C8orf34: variants seen among roughly 807,000 people sequenced by gnomAD.
C8orf34 encodes uncharacterized protein C8orf34.
Under a neutral mutation model 68.3 loss-of-function variants are expected in C8orf34, and 65 were observed. The ratio of observed to expected loss-of-function variants is 0.95; its 90% CI spans 0.78 to 1.17. C8orf34 has a LOEUF of 1.17. Among genes scored for constraint, C8orf34 ranks in the 50% most tolerant of loss-of-function variants. C8orf34 has a pLI of 0.00. For synonymous variants in C8orf34, 244 were observed against 241.2 expected, an observed-to-expected ratio of 1.01 and a Z score of -0.11; for missense variants, 664 against 655.4, an observed-to-expected ratio of 1.01 and a Z score of -0.14.
intron 4 of C8orf34, among the ~76,000 whole-genome samples, chr8:68,480,438 G>T (rs1812810257): frequency 6.6e-6 from 1 of 152,198 alleles, no homozygotes; most frequent in Non-Finnish European, 1.5e-5. Flanking sequence ...TTGTTACTGA[G>T]AGTGGGGTGT....
At chr8:68,567,020 G>T (rs1344681403) in intron 7 of C8orf34, among the ~76,000 whole-genome samples, 2 of 152,096 alleles carry the variant, frequency 1.3e-5, no homozygotes, top group Non-Finnish European at 2.9e-5. Flanking sequence ...TATGTTGTTG[G>T]ATTCAGTTAG....
intron 10 of C8orf34, among the ~76,000 whole-genome samples, chr8:68,732,137 T>C (rs529128245): frequency 2.9e-4 from 44 of 152,368 alleles, no homozygotes; most frequent in African/African-American, 1.1e-3. Context: ...TCTCAATGTT[T>C]TCCTCAGGCT....
chr8:68,596,395 T>C (rs1216152478), intron 7 of C8orf34, among the ~76,000 whole-genome samples: 3 of 152,182 alleles, frequency 2.0e-5, no homozygotes, highest in Non-Finnish European at 2.9e-5. Context: ...TAGAAATTAA[T>C]ATATTATTTT....
At chr8:68,367,056 AAAAC>A (rs1807298364) in intron 1 of C8orf34, among the ~76,000 whole-genome samples, 1 of 17,170 alleles carries the variant, frequency 5.8e-5, no homozygotes, top group African/African-American at 2.4e-4. Flanking sequence ...TTACAAGAAA[AAAAC>A]AAACAACCCC....
intron 5 of C8orf34, among the ~76,000 whole-genome samples, chr8:68,500,741 A>G (rs1320828679): frequency 5.3e-5 from 8 of 152,230 alleles, no homozygotes; most frequent in African/African-American, 1.7e-4. Flanking sequence ...ACGAACCAAC[A>G]GTGTTGACAT....
chr8:68,464,381 A>T (rs1012888458), intron 3 of C8orf34, among the ~76,000 whole-genome samples: 7 of 152,252 alleles, frequency 4.6e-5, no homozygotes, highest in African/African-American at 1.4e-4. Flanking sequence ...TGCCCAAGGT[A>T]ATTTATAGAT....
chr8:68,786,386 G>A (rs961147443), intron 11 of C8orf34, among the ~76,000 whole-genome samples: 12 of 152,096 alleles, frequency 7.9e-5, no homozygotes, highest in African/African-American at 2.7e-4. Flanking sequence ...GTAGATGCTA[G>A]GAATGCATAG....
chr8:68,783,141 C>A (rs150591852), intron 11 of C8orf34, among the ~76,000 whole-genome samples: 1 of 151,310 alleles, frequency 6.6e-6, no homozygotes, highest in Non-Finnish European at 1.5e-5. Flanking sequence ...AAAAGGAAAA[C>A]GTGAGGGCCC....
intron 1 of C8orf34, among the ~76,000 whole-genome samples, chr8:68,354,446 A>G (rs893217056): frequency 1.3e-5 from 2 of 152,090 alleles, no homozygotes; most frequent in Non-Finnish European, 2.9e-5. Context: ...TGCTCAAGCA[A>G]TTCTCTTGCC....
At chr8:68,343,884 G>C (rs1328151467) in intron 1 of C8orf34, among the ~76,000 whole-genome samples, 1 of 151,916 alleles carries the variant, frequency 6.6e-6, no homozygotes, top group Non-Finnish European at 1.5e-5. Flanking sequence ...GAGCCACCAT[G>C]CCAGGCCAAT....
intron 7 of C8orf34, among the ~76,000 whole-genome samples, chr8:68,538,799 T>C (rs1453323783): frequency 2.0e-5 from 3 of 152,126 alleles, no homozygotes; most frequent in Admixed American, 1.3e-4. Context: ...GGATAGATGA[T>C]TTGGTTAAGG....
rs183798944 is a variant in C8orf34 at position 68,800,853 on chromosome 8, G to A, written c.1549+13317G>A. Among the ~76,000 whole-genome samples, 20 of 152,220 alleles carry A rather than the reference G, an allele frequency of 1.3e-4. No homozygotes were observed. In the East Asian group the frequency reaches 2.9e-3, roughly 22 times the overall value. On this transcript the variant is annotated intron_variant, in intron 12 of 13. Coordinates refer to ENST00000518698, the MANE Select transcript of C8orf34 (RefSeq NM_052958.4). ...GAAGTTAGCACACTCTGCTTTCTAC[G>A]TTCTTCGGCTTTTCTTTTGCTTCAG... is the stretch of plus-strand genomic sequence containing the variant.
chr8:68,653,051 A>G (rs1366734984), intron 8 of C8orf34, among the ~76,000 whole-genome samples: 1 of 152,130 alleles, frequency 6.6e-6, no homozygotes, highest in Non-Finnish European at 1.5e-5. Flanking sequence ...AAAGATCTTT[A>G]TTTCTGACAA....
intron 10 of C8orf34, among the ~76,000 whole-genome samples, chr8:68,740,875 T>C (rs899558706): frequency 6.6e-6 from 1 of 152,172 alleles, no homozygotes; most frequent in Non-Finnish European, 1.5e-5. Context: ...GTGGTACATA[T>C]ACACTATGGA....
intron 8 of C8orf34, among the ~76,000 whole-genome samples, chr8:68,705,058 G>C (rs1821124586): frequency 6.6e-6 from 1 of 152,168 alleles, no homozygotes; most frequent in Non-Finnish European, 1.5e-5. Context: ...ATTTCTTTAA[G>C]AAGTAGATTC....
chr8:68,402,396 T>C (rs1360198613), intron 1 of C8orf34, among the ~76,000 whole-genome samples: 1 of 152,130 alleles, frequency 6.6e-6, no homozygotes, highest in Non-Finnish European at 1.5e-5. Context: ...TTTTTTCATC[T>C]CAATTTCATT....
chr8:68,471,795 G>A (rs555635839), intron 4 of C8orf34, among the ~76,000 whole-genome samples: 2 of 151,954 alleles, frequency 1.3e-5, no homozygotes, highest in Admixed American at 1.3e-4. Flanking sequence ...TGGTTGTACG[G>A]TCTAAAAAAA....
At chr8:68,579,965 TC>T (rs1817014985) in intron 7 of C8orf34, among the ~76,000 whole-genome samples, 1 of 152,144 alleles carries the variant, frequency 6.6e-6, no homozygotes, top group Non-Finnish European at 1.5e-5. Context: ...ATCTAAGCCA[TC>T]CGGGCTCAGG....
rs182138637 is a variant in C8orf34, at chr8:68,592,388, T to C, written c.1106-47988T>C. On this transcript the variant is annotated intron_variant, in intron 7 of 13. Coordinates refer to ENST00000518698, the MANE Select transcript of C8orf34 (RefSeq NM_052958.4). ...TTAGGTTAATTCCTGGATATTGTATTGTTTGGGCTTTTATTGTGATTGTAT... is the reference window on the plus strand; with the variant it reads ...TTAGGTTAATTCCTGGATATTGTATCGTTTGGGCTTTTATTGTGATTGTAT... 2.0e-5 allele frequency among the ~76,000 whole-genome samples: 3 copies of C among 152,174 alleles called. No individual in the cohort carries two copies. In the East Asian group the frequency reaches 5.8e-4, roughly 29 times the overall value.
Sources: gnomAD v4.1 joint callset for allele counts (sites outside exome capture counted in the v4.1 genomes callset) on GRCh38, gnomAD v4.1.1 for gene constraint, MANE v1.5 for transcripts, NCBI Gene and HGNC (gene_info 2026-07-23, HGNC 2026-07-21) for gene names.